The following ACSM5 variants were observed in gnomAD, a reference collection of about 807,000 sequenced individuals.
The protein encoded by ACSM5 is acyl-CoA synthetase medium chain family member 5.
ACSM5 carries 56 observed loss-of-function variants against 71.6 expected under a neutral mutation model. The observed-to-expected ratio is 0.78, with a 90% CI of 0.63 to 0.98. The LOEUF is 0.98. Ranked by LOEUF, ACSM5 falls within the 50% of genes least tolerant of loss-of-function variation. The probability of loss-of-function intolerance (pLI) is 0.00; values close to 1 mark genes in which losing one functional copy is unlikely to be tolerated. For missense variants in ACSM5, 723 were observed against 726.0 expected, an observed-to-expected ratio of 1.00 and a Z score of 0.05; for synonymous variants, 285 against 281.5, an observed-to-expected ratio of 1.01 and a Z score of -0.12.
intron 2 of ACSM5, among the ~76,000 whole-genome samples, chr16:20,413,419 T>G (rs1408637582): frequency 1.3e-5 from 2 of 152,202 alleles, no homozygotes; most frequent in Non-Finnish European, 2.9e-5. Context: ...CATTGGTTCT[T>G]TGGAAGACCC....
At chr16:20,429,575 T>C in intron 7 of ACSM5, 103 bp from the exon 8 acceptor site, 3 of 1,519,466 alleles carry the variant, frequency 2.0e-6, no homozygotes, top group East Asian at 2.3e-5. Flanking sequence ...CAGGGGCATC[T>C]ACCCTCTAGT....
chr16:20,440,919 A>G lies in ACSM5; in HGVS notation c.*492A>G, dbSNP rs1004102443. The G allele has an allele frequency of 6.5e-6, 1 of 153,578 alleles. No homozygotes were observed. The highest frequency in any genetic ancestry group is 1.9e-4 in the East Asian group (1 of 5,246). The allele number at this position is 153,578 out of a possible 1,614,324, so 9.5% of individuals were successfully genotyped here. A position where few individuals can be genotyped will look rare whatever the true frequency, so the allele number is the denominator to read the frequency against. ...AAAGAAAAAAATCAAAATGCAGAAA[A>G]TGTGTGGTGCACTAAGATGATCACA... On this transcript the variant is annotated 3_prime_UTR_variant, in exon 14 of 14. Transcript: ENST00000331849.
intron 7 of ACSM5, among the ~76,000 whole-genome samples, chr16:20,429,301 T>C (rs1228409738): frequency 1.1e-4 from 17 of 152,092 alleles, no homozygotes; most frequent in Admixed American, 1.1e-3. Flanking sequence ...GTGTGAGCCA[T>C]GGTGCCTGGC....
intron 12 of ACSM5, 127 bp downstream of exon 12, chr16:20,437,494 C>T (rs977469761): frequency 1.2e-5 from 9 of 734,232 alleles, no homozygotes; most frequent in Non-Finnish European, 2.0e-5. Context: ...TGAAATGCCA[C>T]CATCAGACAC....
At chr16:20,431,857 A>C (rs991106422) in intron 10 of ACSM5, among the ~76,000 whole-genome samples, 7 of 152,088 alleles carry the variant, frequency 4.6e-5, no homozygotes, top group African/African-American at 1.7e-4. Flanking sequence ...AGGCTGAGAC[A>C]GGAGAATTGC....
Position 20,440,906 on chromosome 16 carries a change from C to G in ACSM5, c.*479C>G, listed in dbSNP as rs1967317221. On this transcript the variant is annotated 3_prime_UTR_variant, in exon 14 of 14. Coordinates refer to ENST00000331849, the MANE Select transcript of ACSM5 (RefSeq NM_017888.3). ...GGGAGTCACCACAAAAGAAAAAAAT[C>G]AAAATGCAGAAAATGTGTGGTGCAC... 2 of 152,124 alleles carry G rather than the reference C, an allele frequency of 1.3e-5. No homozygotes were observed. Among genetic ancestry groups the G allele is most frequent in the South Asian group, 4.1e-4 (2 of 4,868 alleles). The allele number at this position is 152,124 out of a possible 1,614,324, so 9.4% of individuals were successfully genotyped here.
At position 20,419,779 on chromosome 16, in the gene ACSM5, G is replaced by T. The variant is rs1489538193; in HGVS notation, c.623+344G>T. On this transcript the variant is annotated intron_variant, in intron 4 of 13. Coordinates refer to ENST00000331849, the MANE Select transcript of ACSM5 (RefSeq NM_017888.3). ...ATAATAAACTAGTGGCCATGTATTG[G>T]GTACTTAGTGTATCGCTAGATACTG... is the stretch of plus-strand genomic sequence containing the variant. The T allele has an allele frequency of 1.4e-5, 5 of 360,596 alleles. No homozygotes were observed. In the East Asian group the frequency reaches 2.0e-4, roughly 14 times the overall value. The allele number at this position is 360,596 out of a possible 1,614,324, so 22.3% of individuals were successfully genotyped here. A position where few individuals can be genotyped will look rare whatever the true frequency, so the allele number is the denominator to read the frequency against.
At chr16:20,425,116 T>G (rs56399636) in intron 6 of ACSM5, among the ~76,000 whole-genome samples, 2 of 149,942 alleles carry the variant, frequency 1.3e-5, no homozygotes, top group Non-Finnish European at 3.0e-5. Flanking sequence ...TGGTACCAAC[T>G]AACCATCCCC....
chr16:20,420,169 G>C (rs1385926432), intron 4 of ACSM5, among the ~76,000 whole-genome samples: 1 of 152,216 alleles, frequency 6.6e-6, no homozygotes, highest in African/African-American at 2.4e-5. Flanking sequence ...GAACCATTGA[G>C]TTATGAATGC....
chr16:20,414,102 T>G (rs112957296), intron 2 of ACSM5, among the ~76,000 whole-genome samples: 6,740 of 152,180 alleles, frequency 0.044, 161 homozygotes, highest in South Asian at 0.058. Flanking sequence ...AATTTTAAAT[T>G]TATAGTTTTC....
chr16:20,411,773 G>A, intron 2 of ACSM5, 85 bp downstream of exon 2: 2 of 1,413,836 alleles, frequency 1.4e-6, no homozygotes, highest in Non-Finnish European at 2.0e-6. Context: ...CTCCAAGCAT[G>A]TTGATGAGGA....
At chr16:20,430,235 A>T (rs1338815030) in intron 8 of ACSM5, among the ~76,000 whole-genome samples, 2 of 139,606 alleles carry the variant, frequency 1.4e-5, no homozygotes, top group African/African-American at 5.5e-5. Flanking sequence ...ACACACACAC[A>T]CTACTTATAA....
chr16:20,440,335 G>C lies in ACSM5; in HGVS notation c.1657-9G>C, dbSNP rs1693346992. ...TCCAAGTGTTTTTTGTTTTGTGTTTGGTCACTAGGTGGCCTTTGTTTCAGA... is the reference window on the plus strand; with the variant it reads ...TCCAAGTGTTTTTTGTTTTGTGTTTCGTCACTAGGTGGCCTTTGTTTCAGA... On this transcript the variant is annotated splice_polypyrimidine_tract_variant and intron_variant, in intron 13 of 13. Transcript: ENST00000331849. 3 of 1,513,668 alleles carry C rather than the reference G, an allele frequency of 2.0e-6. No homozygotes were observed. Among genetic ancestry groups the C allele is most frequent in the Non-Finnish European group, 2.8e-6 (3 of 1,088,230 alleles). 93.8% of individuals were successfully genotyped at this position (1,513,668 alleles called of 1,614,324 possible). A position where few individuals can be genotyped will look rare whatever the true frequency, so the allele number is the denominator to read the frequency against.
intron 10 of ACSM5, among the ~76,000 whole-genome samples, chr16:20,434,317 A>AT (rs1454545089): frequency 6.6e-6 from 1 of 152,148 alleles, no homozygotes; most frequent in African/African-American, 2.4e-5. Flanking sequence ...GGTCTATTTT[A>AT]TTTTTTTCTA....
intron 4 of ACSM5, chr16:20,419,913 A>G (rs549725521): frequency 1.6e-5 from 3 of 191,856 alleles, no homozygotes; most frequent in African/African-American, 7.1e-5. Context: ...TGGATCAAAC[A>G]TCACCTTATT....
At chr16:20,417,776 AG>A (rs1320296542) in intron 2 of ACSM5, among the ~76,000 whole-genome samples, 1 of 152,230 alleles carries the variant, frequency 6.6e-6, no homozygotes, top group African/African-American at 2.4e-5. Context: ...TGCATTAAAA[AG>A]ATAGTAGAAA....
At chr16:20,429,834 C>A (rs748536652) in intron 8 of ACSM5, 33 bp downstream of exon 8, 9 of 1,607,062 alleles carry the variant, frequency 5.6e-6, no homozygotes, top group African/African-American at 2.7e-5. Flanking sequence ...CCCTACCCCC[C>A]AGGTCCCCTC....
chr16:20,432,748 A>G (rs773624322), intron 10 of ACSM5, among the ~76,000 whole-genome samples: 10 of 151,626 alleles, frequency 6.6e-5, no homozygotes, highest in Non-Finnish European at 1.3e-4. Context: ...TGAGTGTACT[A>G]AAGTAATTTG....
Position 20,440,351 on chromosome 16 carries a change from T to C in ACSM5, c.1664T>C (p.Phe555Ser). 1 of 1,585,048 alleles carries C rather than the reference T, an allele frequency of 6.3e-7. No homozygotes were observed. The highest frequency in any genetic ancestry group is 8.7e-7 in the Non-Finnish European group (1 of 1,153,254). Residue 555 changes from phenylalanine to serine, a missense_variant, in exon 14 of 14, where the codon TTT becomes TCT. Coordinates refer to ENST00000331849, the MANE Select transcript of ACSM5 (RefSeq NM_017888.3). Reference protein sequence around the residue: ...APYKYPRKVAFVSELPKTVSG... With the variant: ...APYKYPRKVASVSELPKTVSG... ...TTTGTGTTTGGTCACTAGGTGGCCT[T>C]TGTTTCAGAACTGCCAAAGACGGTT...
Sources: allele counts gnomAD v4.1 joint callset (sites outside exome capture counted in the v4.1 genomes callset), GRCh38; gene constraint gnomAD v4.1.1; transcripts MANE v1.5; gene names NCBI Gene and HGNC (gene_info 2026-07-23, HGNC 2026-07-21).